The following NELL1 variants were observed in gnomAD, a reference collection of about 807,000 sequenced individuals.
The protein encoded by NELL1 is protein kinase C-binding protein NELL1.
In NELL1, 76 loss-of-function variants were observed where a neutral mutation model predicts 107.4. The observed-to-expected ratio is 0.71, with a 90% CI of 0.59 to 0.86. The LOEUF (loss-of-function observed/expected upper bound fraction) is 0.86, where lower values mean the gene tolerates loss of function less well. Among genes scored for constraint, NELL1 ranks in the 40% least tolerant of loss-of-function variants. The pLI is 0.00. For missense variants in NELL1, 1,024 were observed against 1,005.5 expected (o/e 1.02, Z -0.25); for synonymous variants, 353 against 341.2 (o/e 1.03, Z -0.38).
intron 10 of NELL1, among the ~76,000 whole-genome samples, chr11:20,939,119 GAA>G (rs1286947582): frequency 6.6e-6 from 1 of 151,996 alleles, no homozygotes; most frequent in East Asian, 1.9e-4. Flanking sequence ...AGATGTACAG[GAA>G]AAGAGATTCA....
At chr11:20,745,542 AT>A (rs1471200033) in intron 2 of NELL1, among the ~76,000 whole-genome samples, 1 of 152,234 alleles carries the variant, frequency 6.6e-6, no homozygotes, top group African/African-American at 2.4e-5. Flanking sequence ...TGAGTCCTGA[AT>A]AAACTAAAAG....
intron 15 of NELL1, among the ~76,000 whole-genome samples, chr11:21,466,273 T>C (rs1854028020): frequency 6.6e-6 from 1 of 152,146 alleles, no homozygotes; most frequent in Non-Finnish European, 1.5e-5. Context: ...GTCTGGCGAC[T>C]AGACATGGCA....
chr11:20,984,422 C>G (rs1851810079), intron 12 of NELL1, among the ~76,000 whole-genome samples: 1 of 152,028 alleles, frequency 6.6e-6, no homozygotes, highest in Non-Finnish European at 1.5e-5. Flanking sequence ...GTTCTCTGAT[C>G]TGCAAAAAGG....
intron 2 of NELL1, among the ~76,000 whole-genome samples, chr11:20,773,237 G>A (rs1215614454): frequency 3.9e-5 from 6 of 152,168 alleles, no homozygotes; most frequent in African/African-American, 1.4e-4. Context: ...GGTGGCTGCT[G>A]CCATAGCTTG....
At chr11:20,678,199 C>A in intron 2 of NELL1, 139 bp downstream of exon 2, 1 of 930,178 alleles carries the variant, frequency 1.1e-6, no homozygotes, top group Non-Finnish European at 1.7e-6. Context: ...TTTAGATATG[C>A]AGGGGGTATT....
intron 2 of NELL1, among the ~76,000 whole-genome samples, chr11:20,688,874 T>A (rs1467511067): frequency 6.6e-6 from 1 of 152,108 alleles, no homozygotes; most frequent in Non-Finnish European, 1.5e-5. Flanking sequence ...TATAAGTGTT[T>A]CCTTTTCTCT....
intron 2 of NELL1, among the ~76,000 whole-genome samples, chr11:20,726,758 C>T (rs1305572823): frequency 6.6e-6 from 1 of 151,708 alleles, no homozygotes; most frequent in Admixed American, 6.6e-5. Flanking sequence ...CCCCCCACCC[C>T]ATGACAGGCC....
chr11:21,565,999 G>A (rs1462268840), intron 17 of NELL1, among the ~76,000 whole-genome samples: 3 of 151,882 alleles, frequency 2.0e-5, no homozygotes, highest in Non-Finnish European at 4.4e-5. Flanking sequence ...GCATCAGCAA[G>A]GTTTTTTTCT....
intron 12 of NELL1, among the ~76,000 whole-genome samples, chr11:21,061,467 G>A (rs1343823793): frequency 6.6e-6 from 1 of 152,162 alleles, no homozygotes; most frequent in Non-Finnish European, 1.5e-5. Context: ...CCACTGTAAA[G>A]TTTTAGTTAG....
chr11:20,985,191 T>C (rs959419128), intron 12 of NELL1, among the ~76,000 whole-genome samples: 4 of 152,130 alleles, frequency 2.6e-5, no homozygotes, highest in Non-Finnish European at 5.9e-5. Flanking sequence ...TCTACTATTT[T>C]ACTCTATTTA....
chr11:21,054,546 C>T, intron 12 of NELL1, among the ~76,000 whole-genome samples: 1 of 152,016 alleles, frequency 6.6e-6, no homozygotes, highest in Non-Finnish European at 1.5e-5. Flanking sequence ...AGTGTGTAAC[C>T]ATTTATATTC....
chr11:20,832,196 T>C (rs1446729431), intron 3 of NELL1, among the ~76,000 whole-genome samples: 1 of 152,212 alleles, frequency 6.6e-6, no homozygotes, highest in Non-Finnish European at 1.5e-5. Flanking sequence ...GGCTGCATCT[T>C]CTAAGCTCAT....
At chr11:21,083,125 C>T (rs1854308003) in intron 12 of NELL1, among the ~76,000 whole-genome samples, 1 of 152,162 alleles carries the variant, frequency 6.6e-6, no homozygotes, top group Non-Finnish European at 1.5e-5. Flanking sequence ...GAGAAAGGAG[C>T]AAGTCCATAC....
At chr11:21,290,390 AATAAATAG>A (rs1554995039) in intron 14 of NELL1, among the ~76,000 whole-genome samples, 2 of 83,988 alleles carry the variant, frequency 2.4e-5, no homozygotes, top group African/African-American at 6.3e-5. Flanking sequence ...AAATAAATAA[AATAAATAG>A]ATAAATAAAT....
chr11:20,775,441 A>G (rs558642184), intron 2 of NELL1, among the ~76,000 whole-genome samples: 1 of 151,830 alleles, frequency 6.6e-6, no homozygotes, highest in Non-Finnish European at 1.5e-5. Context: ...CTTCTTGACT[A>G]TATAATGCAC....
At chr11:21,241,159 A>G (rs1393669146) in intron 14 of NELL1, among the ~76,000 whole-genome samples, 2 of 152,094 alleles carry the variant, frequency 1.3e-5, no homozygotes, top group Non-Finnish European at 2.9e-5. Flanking sequence ...CCTTAGTAAC[A>G]ATTCTCAATG....
At chr11:21,246,969 A>T (rs1330750820) in intron 14 of NELL1, among the ~76,000 whole-genome samples, 7 of 152,196 alleles carry the variant, frequency 4.6e-5, no homozygotes, top group Admixed American at 4.6e-4. Flanking sequence ...CTCCCACAAC[A>T]TGTGGGAATT....
chr11:21,077,383 A>G (rs899491852), intron 12 of NELL1, among the ~76,000 whole-genome samples: 14 of 152,190 alleles, frequency 9.2e-5, no homozygotes, highest in Admixed American at 6.5e-5. Context: ...TAAAAAGTCA[A>G]TAATCTGAGA....
intron 13 of NELL1, among the ~76,000 whole-genome samples, chr11:21,144,073 A>G (rs1855922940): frequency 6.6e-6 from 1 of 152,318 alleles, no homozygotes; most frequent in Non-Finnish European, 1.5e-5. Flanking sequence ...CCAAAATGAT[A>G]CCTAAAAACA....
Sources: allele counts gnomAD v4.1 joint callset (sites outside exome capture counted in the v4.1 genomes callset), GRCh38; gene constraint gnomAD v4.1.1; transcripts MANE v1.5; gene names NCBI Gene and HGNC (gene_info 2026-07-23, HGNC 2026-07-21).